PLPP4: variants seen among roughly 807,000 people sequenced by gnomAD.
The protein encoded by PLPP4 is phospholipid phosphatase 4.
A neutral mutation model predicts 32.2 loss-of-function variants in PLPP4; 20 were observed. The ratio of observed to expected loss-of-function variants is 0.62; its 90% CI spans 0.44 to 0.90. The LOEUF is 0.90. PLPP4 is among the 40% of genes least tolerant of loss of function. PLPP4 has a pLI of 0.00. For synonymous variants in PLPP4, 127 were observed against 133.0 expected (o/e 0.95, Z 0.31); for missense variants, 257 against 353.1 (o/e 0.73, Z 2.18).
intron 5 of PLPP4, among the ~76,000 whole-genome samples, chr10:120,541,787 T>TC (rs1354216095): frequency 6.6e-6 from 1 of 151,634 alleles, no homozygotes; most frequent in East Asian, 1.9e-4. Flanking sequence ...ATTCTTTTTT[T>TC]TTTTTGAGAT....
intron 5 of PLPP4, among the ~76,000 whole-genome samples, chr10:120,526,936 A>G (rs564236960): frequency 6.8e-6 from 1 of 146,724 alleles, no homozygotes; most frequent in African/African-American, 2.5e-5. Context: ...AGCTGTCTTC[A>G]GCTCTGCAAG....
At chr10:120,463,782 C>T (rs1848184337) in intron 1 of PLPP4, among the ~76,000 whole-genome samples, 1 of 152,024 alleles carries the variant, frequency 6.6e-6, no homozygotes, top group East Asian at 1.9e-4. Context: ...CCAGCCATCT[C>T]CTTGGGCCCT....
upstream of PLPP4, chr10:120,457,016 G>A (rs1248917234): frequency 1.8e-5 from 3 of 166,156 alleles, no homozygotes; most frequent in Admixed American, 1.9e-4. Flanking sequence ...GGCGGCTCCT[G>A]GGGAGAGGGA....
intron 6 of PLPP4, among the ~76,000 whole-genome samples, chr10:120,587,662 G>A (rs923044116): frequency 2.0e-5 from 3 of 152,174 alleles, no homozygotes; most frequent in African/African-American, 7.2e-5. Flanking sequence ...GATAGAACCA[G>A]GATACCTATA....
At chr10:120,520,438 G>T (rs1049418297) in intron 4 of PLPP4, among the ~76,000 whole-genome samples, 3 of 152,186 alleles carry the variant, frequency 2.0e-5, no homozygotes, top group Admixed American at 6.5e-5. Context: ...AGATTAATAG[G>T]ATTACTTATT....
intron 5 of PLPP4, among the ~76,000 whole-genome samples, chr10:120,533,901 G>A (rs926374617): frequency 3.3e-5 from 5 of 152,024 alleles, no homozygotes; most frequent in African/African-American, 7.2e-5. Context: ...CTTTTGTGCT[G>A]CTATTAGCAA....
intron 1 of PLPP4, among the ~76,000 whole-genome samples, chr10:120,480,016 G>A (rs970606158): frequency 2.0e-5 from 3 of 152,240 alleles, no homozygotes. Flanking sequence ...GCCTTGAAAG[G>A]AGATAGTCAC....
intron 1 of PLPP4, chr10:120,503,508 T>G: frequency 6.4e-7 from 1 of 1,571,052 alleles, no homozygotes; most frequent in Non-Finnish European, 8.6e-7. Context: ...TGCCCTATTC[T>G]GACTTCAGTT....
intron 5 of PLPP4, among the ~76,000 whole-genome samples, chr10:120,564,630 T>G (rs566086600): frequency 6.6e-6 from 1 of 152,054 alleles, no homozygotes; most frequent in Admixed American, 6.5e-5. Context: ...TCATCAATTT[T>G]TGATTCATAT....
chr10:120,588,744 G>A (rs1054019745), intron 6 of PLPP4, among the ~76,000 whole-genome samples: 3 of 152,206 alleles, frequency 2.0e-5, no homozygotes, highest in African/African-American at 7.2e-5. Context: ...TCAGGTGTGA[G>A]TTAAAGAAAT....
chr10:120,551,969 T>C (rs1847921351), intron 5 of PLPP4, among the ~76,000 whole-genome samples: 2 of 152,174 alleles, frequency 1.3e-5, no homozygotes, highest in African/African-American at 4.8e-5. Flanking sequence ...CAATTTGTAA[T>C]TATTTCTCTG....
chr10:120,501,460 C>T (rs188182809), intron 1 of PLPP4, among the ~76,000 whole-genome samples: 518 of 152,184 alleles, frequency 3.4e-3, no homozygotes, highest in Non-Finnish European at 5.4e-3. Flanking sequence ...CTGTCAGGCC[C>T]TACATATATA....
intron 5 of PLPP4, among the ~76,000 whole-genome samples, chr10:120,570,083 A>G (rs1483426480): frequency 6.6e-6 from 1 of 152,140 alleles, no homozygotes; most frequent in African/African-American, 2.4e-5. Flanking sequence ...TGTTCTGGGG[A>G]TGAAATGAGG....
chr10:120,490,588 T>C (rs1245855675), intron 1 of PLPP4, among the ~76,000 whole-genome samples: 2 of 152,224 alleles, frequency 1.3e-5, no homozygotes, highest in Admixed American at 1.3e-4. Flanking sequence ...TGGGCTGTAT[T>C]TGTGGCTGTT....
At chr10:120,543,489 C>T (rs1423667097) in intron 5 of PLPP4, among the ~76,000 whole-genome samples, 1 of 151,838 alleles carries the variant, frequency 6.6e-6, no homozygotes, top group East Asian at 1.9e-4. Context: ...GGCAGATGCT[C>T]AATGCAATTA....
intron 2 of PLPP4, among the ~76,000 whole-genome samples, chr10:120,510,572 T>A (rs1476184852): frequency 6.6e-6 from 1 of 152,150 alleles, no homozygotes; most frequent in Non-Finnish European, 1.5e-5. Flanking sequence ...ACCAATGGCC[T>A]TTGTCGAAAG....
intron 1 of PLPP4, among the ~76,000 whole-genome samples, chr10:120,484,944 G>A (rs753649076): frequency 2.6e-5 from 4 of 152,226 alleles, no homozygotes; most frequent in Non-Finnish European, 5.9e-5. Flanking sequence ...GGAGGTCAGA[G>A]AGATGCAATG....
intron 5 of PLPP4, among the ~76,000 whole-genome samples, chr10:120,546,554 A>G (rs1045551688): frequency 2.6e-5 from 4 of 152,148 alleles, no homozygotes; most frequent in Admixed American, 2.6e-4. Flanking sequence ...AGAAGAGCAC[A>G]TTCTCTCTCC....
chr10:120,564,707 A>G lies in PLPP4; in HGVS notation c.446-10424A>G, dbSNP rs773173409. 4.6e-5 allele frequency among the ~76,000 whole-genome samples: 7 copies of G among 151,948 alleles called. No homozygotes were observed. The South Asian group carries it at 1.5e-3, about 32-fold the overall frequency. On this transcript the variant is annotated intron_variant, in intron 5 of 6. Transcript: ENST00000398250. ...CTATTATACCTTCTACTACCTGTGTAAGTCATGATCATCTTTATCTCTAAT... is the reference window on the plus strand; with the variant it reads ...CTATTATACCTTCTACTACCTGTGTGAGTCATGATCATCTTTATCTCTAAT...
Sources: gnomAD v4.1 joint callset for allele counts (sites outside exome capture counted in the v4.1 genomes callset) on GRCh38, gnomAD v4.1.1 for gene constraint, MANE v1.5 for transcripts, NCBI Gene and HGNC (gene_info 2026-07-23, HGNC 2026-07-21) for gene names.